PDE4D: variants seen among roughly 807,000 people sequenced by gnomAD.
PDE4D encodes phosphodiesterase 4D, also known as 3',5'-cyclic-AMP phosphodiesterase 4D.
In PDE4D, 24 loss-of-function variants were observed where a neutral mutation model predicts 87.4. The ratio of observed to expected loss-of-function variants is 0.27; its 90% CI spans 0.20 to 0.39. The LOEUF (loss-of-function observed/expected upper bound fraction) is 0.39, where lower values mean the gene tolerates loss of function less well. Ranked by LOEUF, PDE4D falls within the 10% of genes least tolerant of loss-of-function variation. The pLI, the probability that PDE4D is intolerant of heterozygous loss-of-function variation, is 1.00. For missense variants in PDE4D, 714 were observed against 1,041.0 expected (o/e 0.69, Z 4.32); for synonymous variants, 384 against 383.2 (o/e 1.00, Z -0.02).
chr5:59,850,458 C>T (rs1744508687), intron 1 of PDE4D, among the ~76,000 whole-genome samples: 1 of 152,040 alleles, frequency 6.6e-6, no homozygotes, highest in African/African-American at 2.4e-5. Flanking sequence ...TGTGATTTAG[C>T]ACTGTGGCTG....
At chr5:60,438,441 TG>T (rs756327955) in intron 1 of PDE4D, among the ~76,000 whole-genome samples, 4 of 152,166 alleles carry the variant, frequency 2.6e-5, no homozygotes, top group Non-Finnish European at 5.9e-5. Context: ...ATTTTTTGTA[TG>T]CTTCCCCCTT....
chr5:59,055,370 T>C, intron 5 of PDE4D, among the ~76,000 whole-genome samples: 1 of 152,178 alleles, frequency 6.6e-6, no homozygotes, highest in Admixed American at 6.6e-5. Context: ...ACTGGATTTT[T>C]AATGCCTTTA....
At chr5:60,471,689 C>T (rs1747824217) in intron 1 of PDE4D, among the ~76,000 whole-genome samples, 1 of 152,150 alleles carries the variant, frequency 6.6e-6, no homozygotes, top group African/African-American at 2.4e-5. Flanking sequence ...GCTCAGTGAT[C>T]ATTAGCATTT....
At chr5:59,029,414 C>CAG (rs1423274810) in intron 6 of PDE4D, among the ~76,000 whole-genome samples, 1 of 16,594 alleles carries the variant, frequency 6.0e-5, no homozygotes, top group Non-Finnish European at 1.3e-4. Flanking sequence ...GAGACTCCAT[C>CAG]ACAAAAAAAA....
chr5:60,166,686 T>C (rs1171634968), intron 2 of PDE4D, among the ~76,000 whole-genome samples: 1 of 152,250 alleles, frequency 6.6e-6, no homozygotes, highest in African/African-American at 2.4e-5. Context: ...TTTTGTATTA[T>C]TAGCATTCTT....
chr5:60,161,283 G>GCCAAA, intron 2 of PDE4D, among the ~76,000 whole-genome samples: 1 of 152,196 alleles, frequency 6.6e-6, no homozygotes, highest in East Asian at 1.9e-4. Context: ...TGGCTTTTGA[G>GCCAAA]TTCCAAATGG....
chr5:59,727,078 C>G (rs1365160926), intron 1 of PDE4D, among the ~76,000 whole-genome samples: 2 of 152,008 alleles, frequency 1.3e-5, no homozygotes, highest in East Asian at 3.9e-4. Flanking sequence ...CAGATTATAA[C>G]TAACATAATA....
chr5:59,486,896 A>C (rs934733100), intron 1 of PDE4D, among the ~76,000 whole-genome samples: 1 of 152,234 alleles, frequency 6.6e-6, no homozygotes, highest in Non-Finnish European at 1.5e-5. Context: ...TGTGGGAAGT[A>C]AAATGAAAAT....
chr5:59,245,132 A>C (rs969213401), intron 1 of PDE4D, among the ~76,000 whole-genome samples: 2 of 152,136 alleles, frequency 1.3e-5, no homozygotes, highest in Non-Finnish European at 2.9e-5. Flanking sequence ...CCTCTGAAGC[A>C]GGCCTCACCA....
intron 1 of PDE4D, among the ~76,000 whole-genome samples, chr5:59,814,488 T>C (rs527564375): frequency 6.6e-6 from 1 of 152,292 alleles, no homozygotes; most frequent in Admixed American, 6.5e-5. Context: ...GTCTAGAATA[T>C]GATGAAATCA....
chr5:60,482,484 T>C (rs1302092185), intron 1 of PDE4D, among the ~76,000 whole-genome samples: 2 of 152,184 alleles, frequency 1.3e-5, no homozygotes, highest in Admixed American at 1.3e-4. Context: ...GACCAAGCTC[T>C]GGCCAATAGA....
At chr5:60,433,522 G>A (rs892301000) in intron 1 of PDE4D, among the ~76,000 whole-genome samples, 13 of 152,204 alleles carry the variant, frequency 8.5e-5, no homozygotes, top group East Asian at 5.8e-4. Flanking sequence ...GCAATTTCTC[G>A]AAGAACTTAA....
chr5:59,107,473 T>C (rs1290483633), intron 5 of PDE4D, among the ~76,000 whole-genome samples: 2 of 152,164 alleles, frequency 1.3e-5, no homozygotes, highest in East Asian at 1.9e-4. Context: ...CCTCCCAAAG[T>C]GCTGGGATTA....
At chr5:59,796,849 A>G (rs565573563) in intron 1 of PDE4D, among the ~76,000 whole-genome samples, 1 of 152,288 alleles carries the variant, frequency 6.6e-6, no homozygotes, top group South Asian at 2.1e-4. Flanking sequence ...TAAGCTATCT[A>G]GTTATGCTCA....
intron 2 of PDE4D, among the ~76,000 whole-genome samples, chr5:60,048,312 T>C (rs1285544317): frequency 6.6e-6 from 1 of 152,258 alleles, no homozygotes; most frequent in Non-Finnish European, 1.5e-5. Flanking sequence ...GTCTTGACTC[T>C]GTATCCAATT....
At chr5:59,650,345 T>C (rs1743244139) in intron 1 of PDE4D, among the ~76,000 whole-genome samples, 1 of 152,230 alleles carries the variant, frequency 6.6e-6, no homozygotes, top group African/African-American at 2.4e-5. Flanking sequence ...CTTCTAATTC[T>C]TCTATTCTGT....
intron 1 of PDE4D, among the ~76,000 whole-genome samples, chr5:59,862,658 G>C (rs1746450656): frequency 6.6e-6 from 1 of 152,210 alleles, no homozygotes; most frequent in Admixed American, 6.5e-5. Context: ...GTTAGCCACA[G>C]TATGTGCTGT....
At chr5:60,032,882 A>G (rs1283883747) in intron 2 of PDE4D, 2 of 152,216 alleles carry the variant, frequency 1.3e-5, no homozygotes, top group Admixed American at 6.5e-5. Context: ...TTGGAAATCC[A>G]TATTGCGTAC....
chr5:59,169,784 A>T (rs1413286771), intron 5 of PDE4D, among the ~76,000 whole-genome samples: 1 of 152,038 alleles, frequency 6.6e-6, no homozygotes, highest in African/African-American at 2.4e-5. Flanking sequence ...TATTCTCCCA[A>T]ATTTGGCCAA....
Sources: allele counts gnomAD v4.1 joint callset (sites outside exome capture counted in the v4.1 genomes callset), GRCh38; gene constraint gnomAD v4.1.1; transcripts MANE v1.5; gene names NCBI Gene and HGNC (gene_info 2026-07-23, HGNC 2026-07-21).